Variants in MTUS2 observed in about 807,000 individuals in gnomAD.
MTUS2 encodes the protein microtubule associated scaffold protein 2.
In MTUS2, 40 loss-of-function variants were observed where a neutral mutation model predicts 114.1. The ratio of observed to expected loss-of-function variants is 0.35; its 90% confidence interval spans 0.27 to 0.46. MTUS2 has a LOEUF of 0.46. Ranked by LOEUF, MTUS2 falls within the 20% of genes least tolerant of loss-of-function variation. The probability of loss-of-function intolerance (pLI) is 1.00; values close to 1 mark genes in which losing one functional copy is unlikely to be tolerated. For missense variants in MTUS2, 1,679 were observed against 1,705.4 expected, an observed-to-expected ratio of 0.98 and a Z score of 0.27; for synonymous variants, 688 against 672.0, an observed-to-expected ratio of 1.02 and a Z score of -0.37.
In MTUS2 at chr13:29,306,118, G is replaced by T. The variant is rs143244151; in HGVS notation, c.2807-18495G>T. 1.9e-4 allele frequency among the ~76,000 whole-genome samples: 29 copies of T among 152,220 alleles called. No individual in the cohort carries two copies. In the East Asian group the frequency reaches 4.6e-3, roughly 24 times the overall value. ...CATGTTAAAAACTCTCGATAAACTA[G>T]GTATTGAAGGAACATACCTCAGAAT... On this transcript the variant is annotated intron_variant, in intron 6 of 15. Coordinates refer to ENST00000612955, the MANE Select transcript of MTUS2 (RefSeq NM_001033602.4).
chr13:29,207,078 T>A (rs1488292106), intron 5 of MTUS2, among the ~76,000 whole-genome samples: 1 of 152,202 alleles, frequency 6.6e-6, no homozygotes, highest in African/African-American at 2.4e-5. Context: ...CATCTGTGAT[T>A]TTTTTCGGCA....
At chr13:29,218,285 C>T (rs1168255656) in intron 5 of MTUS2, among the ~76,000 whole-genome samples, 3 of 72,042 alleles carry the variant, frequency 4.2e-5, no homozygotes, top group East Asian at 1.1e-3. Context: ...CATAAAATTG[C>T]AACAGTTATA....
intron 4 of MTUS2, among the ~76,000 whole-genome samples, chr13:29,065,111 A>T (rs895035872): frequency 6.6e-6 from 1 of 152,202 alleles, no homozygotes; most frequent in African/African-American, 2.4e-5. Context: ...TCTTTATGAT[A>T]GAACAATTTA....
chr13:29,018,444 G>A (rs1886157429), intron 2 of MTUS2, among the ~76,000 whole-genome samples: 1 of 152,184 alleles, frequency 6.6e-6, no homozygotes, highest in South Asian at 2.1e-4. Flanking sequence ...CTATATGAGT[G>A]TGTAGATGCT....
intron 5 of MTUS2, among the ~76,000 whole-genome samples, chr13:29,241,539 C>T (rs914052581): frequency 6.6e-6 from 1 of 152,120 alleles, no homozygotes; most frequent in Admixed American, 6.5e-5. Context: ...CGGCCGCCCT[C>T]CCCCAGGTGG....
At chr13:29,107,483 A>G (rs1372087177) in intron 5 of MTUS2, among the ~76,000 whole-genome samples, 2 of 152,182 alleles carry the variant, frequency 1.3e-5, no homozygotes, top group African/African-American at 4.8e-5. Flanking sequence ...ATGGATTTTC[A>G]TAGTTGATGA....
intron 2 of MTUS2, among the ~76,000 whole-genome samples, chr13:28,987,161 C>G (rs1050563918): frequency 4.6e-5 from 7 of 152,220 alleles, no homozygotes; most frequent in Non-Finnish European, 7.3e-5. Flanking sequence ...GACTCGTCCA[C>G]TGGATCTGGA....
chr13:29,416,530 T>C (rs916062745), intron 8 of MTUS2, among the ~76,000 whole-genome samples: 2 of 151,764 alleles, frequency 1.3e-5, no homozygotes, highest in Non-Finnish European at 2.9e-5. Context: ...TATATGCTAA[T>C]ATCAGTCCTT....
chr13:29,269,793 C>T (rs1305846076), intron 5 of MTUS2, among the ~76,000 whole-genome samples: 4 of 152,046 alleles, frequency 2.6e-5, no homozygotes, highest in African/African-American at 7.2e-5. Context: ...ATAATAGTCA[C>T]GATGTGGAAA....
intron 2 of MTUS2, among the ~76,000 whole-genome samples, chr13:28,989,786 C>A (rs765811907): frequency 5.3e-5 from 8 of 151,844 alleles, no homozygotes; most frequent in Non-Finnish European, 1.0e-4. Context: ...GACTGCAGGG[C>A]CATGTATGCC....
intron 7 of MTUS2, among the ~76,000 whole-genome samples, chr13:29,338,451 G>C (rs933322220): frequency 6.6e-6 from 1 of 151,982 alleles, no homozygotes; most frequent in Non-Finnish European, 1.5e-5. Context: ...TTAGCTGGGC[G>C]TGGCGGCGTG....
chr13:29,393,222 C>T (rs546884810), intron 8 of MTUS2, among the ~76,000 whole-genome samples: 19 of 152,142 alleles, frequency 1.2e-4, no homozygotes, highest in African/African-American at 3.1e-4. Flanking sequence ...TCTTAGGGTT[C>T]GCCAGAACAC....
intron 8 of MTUS2, among the ~76,000 whole-genome samples, chr13:29,387,753 T>G (rs1872726274): frequency 6.6e-6 from 1 of 152,118 alleles, no homozygotes; most frequent in Middle Eastern, 3.2e-3. Flanking sequence ...GGAAGGTGTT[T>G]AGGGAGACCT....
At chr13:29,126,108 C>T (rs921229145) in intron 5 of MTUS2, among the ~76,000 whole-genome samples, 4 of 152,174 alleles carry the variant, frequency 2.6e-5, no homozygotes, top group South Asian at 2.1e-4. Flanking sequence ...TACTTTGACA[C>T]GCATTTAACT....
At chr13:29,189,993 G>T (rs547814339) in intron 5 of MTUS2, among the ~76,000 whole-genome samples, 1 of 152,268 alleles carries the variant, frequency 6.6e-6, no homozygotes, top group African/African-American at 2.4e-5. Flanking sequence ...ATGATAGATT[G>T]CTCTTCCCTT....
chr13:28,872,601 G>A (rs1877687755), intron 2 of MTUS2, among the ~76,000 whole-genome samples: 2 of 152,188 alleles, frequency 1.3e-5, no homozygotes, highest in African/African-American at 4.8e-5. Context: ...CATGTACAGA[G>A]ATCACATGGC....
intron 2 of MTUS2, among the ~76,000 whole-genome samples, chr13:28,911,845 GTTTT>G (rs202187530): frequency 1.9e-5 from 2 of 103,828 alleles, no homozygotes; most frequent in African/African-American, 3.8e-5. Context: ...ACTTTTTAAT[GTTTT>G]TTTTTTTTTT....
chr13:28,821,303 A>T (rs962711685), intron 1 of MTUS2, among the ~76,000 whole-genome samples: 1 of 152,200 alleles, frequency 6.6e-6, no homozygotes, highest in Non-Finnish European at 1.5e-5. Context: ...TAAAAAAGTC[A>T]TTAGGTATAA....
At chr13:29,389,344 CGTGTGTGTATATATGTATGCACGT>C (rs1295751180) in intron 8 of MTUS2, among the ~76,000 whole-genome samples, 1 of 55,980 alleles carries the variant, frequency 1.8e-5, no homozygotes, top group South Asian at 6.9e-4. Context: ...TATGTATGCA[CGTGTGTGTATATATGTATGCACGT>C]GTGTGTATAT....
Sources: allele counts gnomAD v4.1 joint callset (sites outside exome capture counted in the v4.1 genomes callset), GRCh38; gene constraint gnomAD v4.1.1; transcripts MANE v1.5; gene names NCBI Gene and HGNC (gene_info 2026-07-23, HGNC 2026-07-21).